P2RX6: variants seen among roughly 807,000 people sequenced by gnomAD.
P2RX6 encodes P2X purinoceptor 6.
In P2RX6, 62 loss-of-function variants were observed where a neutral mutation model predicts 54.2. The ratio of observed to expected loss-of-function variants is 1.14; its 90% confidence interval spans 0.93 to 1.41. P2RX6 has a LOEUF of 1.41. Among genes scored for constraint, P2RX6 ranks in the 40% most tolerant of loss-of-function variants. P2RX6 has a pLI of 0.00. For missense variants in P2RX6, 541 were observed against 566.3 expected, an observed-to-expected ratio of 0.96 and a Z score of 0.45; for synonymous variants, 211 against 231.9, an observed-to-expected ratio of 0.91 and a Z score of 0.82.
chr22:21,012,445 G>GC (rs1925789829), upstream of P2RX6: 3 of 430,432 alleles, frequency 7.0e-6, no homozygotes, highest in African/African-American at 6.1e-5. Context: ...AGGTGACATG[G>GC]CCCAGCTTTC....
chr22:21,026,268 A>G lies in P2RX6; in HGVS notation c.1067A>G (p.Asp356Gly). The change falls in exon 11 of 12, where the codon GAC becomes GGC. Residue 356 changes from aspartate (D) to glycine (G), a missense_variant. By Grantham distance (94) the Asp-to-Gly change is moderately conservative. This residue lies in a region of P2RX6 where 526 missense variants were observed against 531.5 expected (regional missense o/e 0.99). Coordinates refer to ENST00000413302, the MANE Select transcript of P2RX6 (RefSeq NM_005446.5). This position sits in a 1 kb window ranked among gnomAD's most constrained non-coding sequence, Gnocchi z 4.0. ...CTCTCCCAGGTCACCTTTTTCTGTG[A>G]CCTGCTACTGCTGTATGTGGATAGA... ...AWLGVVTFFCDLLLLYVDREA... is the reference protein window; with the variant it reads ...AWLGVVTFFCGLLLLYVDREA... The G allele has an allele frequency of 6.2e-7, 1 of 1,602,448 alleles. No individual in the cohort carries two copies. Among genetic ancestry groups the G allele is most frequent in the African/African-American group, 1.3e-5 (1 of 74,844 alleles).
In P2RX6 at chr22:21,018,039, A is replaced by C; in HGVS notation, c.366A>C (p.Gln122His). The change falls in exon 3 of 12, where the codon CAA becomes CAC. Residue 122 changes from glutamine (Q) to histidine (H), a missense_variant. Gln to His is a conservative substitution (Grantham distance 24, BLOSUM62 0). This residue lies in a region of P2RX6 where 526 missense variants were observed against 531.5 expected (regional missense o/e 0.99). Coordinates refer to ENST00000413302, the MANE Select transcript of P2RX6 (RefSeq NM_005446.5). ...LVTNFLVTPAQVQGRCPEHPS... is the reference protein window; with the variant it reads ...LVTNFLVTPAHVQGRCPEHPS... Reference sequence around the variant, plus strand: ...CCAACTTCCTTGTGACGCCAGCCCAAGTTCAGGGCAGATGCCCAGAGGTGA... The same window carrying C: ...CCAACTTCCTTGTGACGCCAGCCCACGTTCAGGGCAGATGCCCAGAGGTGA... 1 of 1,612,754 alleles carries C rather than the reference A, an allele frequency of 6.2e-7. No individual in the cohort carries two copies. The highest frequency in any genetic ancestry group is 1.1e-5 in the South Asian group (1 of 90,900).
At chr22:21,011,854 G>A (rs1284674889), upstream of P2RX6, among the ~76,000 whole-genome samples, 1 of 152,192 alleles carries the variant, frequency 6.6e-6, no homozygotes, top group Non-Finnish European at 1.5e-5. Context: ...GACTGCTGTG[G>A]TGGGGGGCAG....
At position 21,026,697 on chromosome 22, in the gene P2RX6, G is replaced by C. The variant is rs1209544981; in HGVS notation, c.*80G>C. ...GATCTCAAGGATGAGGCCCCAGCATGGAGGATTGGGGGTAGAATTCCACCC... is the reference window on the plus strand; with the variant it reads ...GATCTCAAGGATGAGGCCCCAGCATCGAGGATTGGGGGTAGAATTCCACCC... On this transcript the variant is annotated 3_prime_UTR_variant, in exon 12 of 12. Coordinates refer to ENST00000413302, the MANE Select transcript of P2RX6 (RefSeq NM_005446.5). The surrounding 1 kb of genome is among the most constrained non-coding windows in gnomAD (Gnocchi z 4.0). 1 of 1,498,854 alleles carries C rather than the reference G, an allele frequency of 6.7e-7. No individual in the cohort carries two copies. Among genetic ancestry groups the C allele is most frequent in the African/African-American group, 1.4e-5 (1 of 71,980 alleles). 92.8% of individuals were successfully genotyped at this position (1,498,854 alleles called of 1,614,324 possible). A position where few individuals can be genotyped will look rare whatever the true frequency, so the allele number is the denominator to read the frequency against.
In P2RX6 at chr22:21,015,954, C is replaced by A; in HGVS notation, c.177C>A (p.Leu59=). The A allele has an allele frequency of 6.5e-7, 1 of 1,549,710 alleles. No homozygotes were observed. Among genetic ancestry groups the A allele is most frequent in the South Asian group, 1.2e-5 (1 of 83,972 alleles). Reference sequence around the variant, plus strand: ...TTCTCCTCCCCAGGTGGGCTCTCCTCGCCAAAAAAGGCTACCAGGAGCGGG... The same window carrying A: ...TTCTCCTCCCCAGGTGGGCTCTCCTAGCCAAAAAAGGCTACCAGGAGCGGG... The part of the protein sequence containing the change: ...IVVYVVGWAL[L]AKKGYQERDL... The change falls in exon 2 of 12, where the codon CTC becomes CTA. Residue 59 remains leucine, a synonymous_variant. Coordinates refer to ENST00000413302, the MANE Select transcript of P2RX6 (RefSeq NM_005446.5).
chr22:21,011,685 A>C, upstream of P2RX6: 1 of 649,148 alleles, frequency 1.5e-6, no homozygotes. Flanking sequence ...TCCAGGTCTG[A>C]GGCAGAGGAA....
intron 3 of P2RX6, 69 bp downstream of exon 3, chr22:21,018,129 T>C (rs951286079): frequency 3.0e-6 from 3 of 985,152 alleles, no homozygotes; most frequent in Non-Finnish European, 4.8e-6. Context: ...CCACCCGTGT[T>C]TCCCTTTCCC....
At chr22:21,021,269 G>T (rs115285371) in intron 3 of P2RX6, among the ~76,000 whole-genome samples, 2,769 of 152,280 alleles carry the variant, frequency 0.018, 91 homozygotes, top group African/African-American at 0.063. Flanking sequence ...GAGCCACTGT[G>T]CCTGGCAGGA....
At chr22:21,019,162 CT>C (rs1422849052) in intron 3 of P2RX6, among the ~76,000 whole-genome samples, 1 of 152,202 alleles carries the variant, frequency 6.6e-6, no homozygotes, top group Non-Finnish European at 1.5e-5. Flanking sequence ...ACAGTGACAT[CT>C]TTAGGCAAGT....
At chr22:21,012,528 G>A (rs1224431797), upstream of P2RX6, 15 of 601,968 alleles carry the variant, frequency 2.5e-5, no homozygotes, top group Admixed American at 8.9e-5. Flanking sequence ...AGCACCTACC[G>A]CAGATGCTGC....
Position 21,026,868 on chromosome 22 carries a change from G to A in P2RX6, c.*251G>A. 1 of 679,818 alleles carries A rather than the reference G, an allele frequency of 1.5e-6. No homozygotes were observed. Among genetic ancestry groups the A allele is most frequent in the Non-Finnish European group, 2.4e-6 (1 of 423,162 alleles). 42.1% of individuals were successfully genotyped at this position (679,818 alleles called of 1,614,324 possible). On this transcript the variant is annotated 3_prime_UTR_variant, in exon 12 of 12. Transcript: ENST00000413302. The surrounding 1 kb of genome is among the most constrained non-coding windows in gnomAD (Gnocchi z 4.0). Reference sequence around the variant, plus strand: ...GAGCCCAGCAGGCACCTGTATTGCAGGGCTCCGACTGCATGTGGCAGGGGC... The same window carrying A: ...GAGCCCAGCAGGCACCTGTATTGCAAGGCTCCGACTGCATGTGGCAGGGGC...
At chr22:21,011,591 C>A (rs573923584), upstream of P2RX6, 2 of 715,376 alleles carry the variant, frequency 2.8e-6, no homozygotes, top group Non-Finnish European at 5.2e-6. Context: ...AGGTCCACAT[C>A]TGGGGGACGG....
rs1927883633 is a variant in P2RX6 at position 21,023,630 on chromosome 22, C to T, written c.890+12C>T. 1.3e-6 allele frequency: 2 copies of T among 1,565,230 alleles called. No individual in the cohort carries two copies. The highest frequency in any genetic ancestry group is 1.4e-5 in the African/African-American group (1 of 73,968). On this transcript the variant is annotated intron_variant, in intron 8 of 11. Coordinates refer to ENST00000413302, the MANE Select transcript of P2RX6 (RefSeq NM_005446.5). Reference sequence around the variant, plus strand: ...AGCTACAACTTCAGGTGAGGCCCCACTGCTCCCAGTGCCCAGCTGCTGGGC... The same window carrying T: ...AGCTACAACTTCAGGTGAGGCCCCATTGCTCCCAGTGCCCAGCTGCTGGGC...
chr22:21,022,246 T>G (rs1927531565), intron 3 of P2RX6, among the ~76,000 whole-genome samples: 1 of 151,988 alleles, frequency 6.6e-6, no homozygotes, highest in African/African-American at 2.4e-5. Flanking sequence ...CAGTGGTGTG[T>G]GTCTGTAGTC....
At chr22:21,021,627 T>C (rs1927421106) in intron 3 of P2RX6, among the ~76,000 whole-genome samples, 1 of 152,198 alleles carries the variant, frequency 6.6e-6, no homozygotes. Context: ...GCGCCCCTGG[T>C]GCTGGTGTTC....
chr22:21,022,650 G>T, intron 3 of P2RX6, 26 bp from the exon 4 acceptor site: 1 of 1,486,634 alleles, frequency 6.7e-7, no homozygotes, highest in Non-Finnish European at 9.0e-7. Context: ...CTGTGCCATT[G>T]GTGACTGCTC....
chr22:21,023,444 C>T, intron 7 of P2RX6, 28 bp downstream of exon 7: 1 of 1,613,820 alleles, frequency 6.2e-7, no homozygotes, highest in Non-Finnish European at 8.5e-7. Flanking sequence ...GGCAGGGTTC[C>T]TAGAGGGCTC....
At position 21,026,669 on chromosome 22, in the gene P2RX6, G is replaced by A; in HGVS notation, c.*52G>A. On this transcript the variant is annotated 3_prime_UTR_variant, in exon 12 of 12. Coordinates refer to ENST00000413302, the MANE Select transcript of P2RX6 (RefSeq NM_005446.5). The surrounding 1 kb of genome is among the most constrained non-coding windows in gnomAD (Gnocchi z 4.0). Reference sequence around the variant, plus strand: ...GGCTGGGAAGGGCGGGGCCCTGCCTGGGGATCTCAAGGATGAGGCCCCAGC... The same window carrying A: ...GGCTGGGAAGGGCGGGGCCCTGCCTAGGGATCTCAAGGATGAGGCCCCAGC... The A allele has an allele frequency of 6.5e-7, 1 of 1,529,802 alleles. No homozygotes were observed. The allele number at this position is 1,529,802 out of a possible 1,614,324, so 94.8% of individuals were successfully genotyped here.
Position 21,026,181 on chromosome 22 carries a change from G to T in P2RX6, c.1051-71G>T, listed in dbSNP as rs1028656844. 4 of 1,527,090 alleles carry T rather than the reference G, an allele frequency of 2.6e-6. No individual in the cohort carries two copies. Among genetic ancestry groups the T allele is most frequent in the Non-Finnish European group, 2.7e-6 (3 of 1,122,270 alleles). 94.6% of individuals were successfully genotyped at this position (1,527,090 alleles called of 1,614,324 possible). ...CCGGTGCCTGCACATTGAGTCTCGGGGTGCAGGCTGGGGAGGTGGCAGGAG... is the reference window on the plus strand; with the variant it reads ...CCGGTGCCTGCACATTGAGTCTCGGTGTGCAGGCTGGGGAGGTGGCAGGAG... On this transcript the variant is annotated intron_variant, in intron 10 of 11. Transcript: ENST00000413302. This position sits in a 1 kb window ranked among gnomAD's most constrained non-coding sequence, Gnocchi z 4.0.
Sources: gnomAD v4.1 joint callset for allele counts (sites outside exome capture counted in the v4.1 genomes callset) on GRCh38, gnomAD v4.1.1 for gene constraint, gnomAD v4.1.1 regional missense constraint, Gnocchi (gnomAD v3.1) non-coding constraint, MANE v1.5 for transcripts, NCBI Gene and HGNC (gene_info 2026-07-23, HGNC 2026-07-21) for gene names.